Variants in RBFOX1 observed in about 807,000 individuals in gnomAD.
The protein encoded by RBFOX1 is RNA binding protein fox-1 homolog 1.
Under a neutral mutation model 57.7 loss-of-function variants are expected in RBFOX1, and 8 were observed. The ratio of observed to expected loss-of-function variants is 0.14; its 90% CI spans 0.08 to 0.25. RBFOX1 has a LOEUF of 0.25. RBFOX1 is among the 10% of genes least tolerant of loss of function. The pLI is 1.00. For synonymous variants in RBFOX1, 326 were observed against 222.4 expected, an observed-to-expected ratio of 1.47 and a Z score of -4.15; for missense variants, 611 against 548.5, an observed-to-expected ratio of 1.11 and a Z score of -1.14.
chr16:7,590,850 G>T (rs1318578281), intron 7 of RBFOX1, among the ~76,000 whole-genome samples: 3 of 119,092 alleles, frequency 2.5e-5, no homozygotes, highest in South Asian at 3.4e-4. Context: ...GAAGAGGGAA[G>T]TTCTGTCTCT....
intron 4 of RBFOX1, among the ~76,000 whole-genome samples, chr16:7,105,050 A>C (rs1181622906): frequency 1.3e-5 from 2 of 152,070 alleles, no homozygotes; most frequent in Non-Finnish European, 2.9e-5. Context: ...ACAGATCTCC[A>C]CTTACATTCT....
In RBFOX1 at chr16:7,539,597, A is replaced by G. The variant is rs564089860; in HGVS notation, c.270+21208A>G. Among the ~76,000 whole-genome samples the G allele has an allele frequency of 2.0e-5, 3 of 152,312 alleles. No homozygotes were observed. In the South Asian group the frequency reaches 6.2e-4, roughly 32 times the overall value. ...AACATGCTTAAATGGATGAGTTGTA[A>G]TCTTCTACATAGAGGTGATGCCACC... is the stretch of plus-strand genomic sequence containing the variant. On this transcript the variant is annotated intron_variant, in intron 5 of 15. Transcript: ENST00000550418.
intron 1 of RBFOX1, among the ~76,000 whole-genome samples, chr16:6,058,114 TAG>T (rs2095637175): frequency 6.6e-6 from 1 of 152,066 alleles, no homozygotes; most frequent in Admixed American, 6.6e-5. Context: ...TTATTTGAAG[TAG>T]AGTTTTTGAG....
chr16:6,699,780 C>T (rs918882823), intron 3 of RBFOX1, among the ~76,000 whole-genome samples: 1 of 152,092 alleles, frequency 6.6e-6, no homozygotes, highest in Non-Finnish European at 1.5e-5. Context: ...GGCATAAGGA[C>T]ATGAACACAT....
intron 4 of RBFOX1, among the ~76,000 whole-genome samples, chr16:7,371,795 C>T (rs1055586043): frequency 2.0e-5 from 3 of 152,112 alleles, no homozygotes; most frequent in African/African-American, 7.2e-5. Flanking sequence ...CATACATGTG[C>T]ATACAGATAT....
intron 2 of RBFOX1, among the ~76,000 whole-genome samples, chr16:6,596,369 T>C (rs1331508380): frequency 6.6e-6 from 1 of 152,210 alleles, no homozygotes; most frequent in Non-Finnish European, 1.5e-5. Context: ...GAAAATCCTA[T>C]TTTCTCACTG....
At chr16:5,888,784 C>A (rs1414106431) in intron 4 of RBFOX1, among the ~76,000 whole-genome samples, 2 of 100,616 alleles carry the variant, frequency 2.0e-5, no homozygotes, top group Admixed American at 2.9e-4. Context: ...GCGACAAGAG[C>A]GAAACTCAGT....
chr16:7,006,792 C>T (rs1216129331), intron 3 of RBFOX1, among the ~76,000 whole-genome samples: 1 of 152,160 alleles, frequency 6.6e-6, no homozygotes, highest in African/African-American at 2.4e-5. Flanking sequence ...GAAGAGAACA[C>T]TTAGCAAAGT....
At chr16:5,944,393 A>AG (rs1253752239) in intron 4 of RBFOX1, among the ~76,000 whole-genome samples, 35 of 152,286 alleles carry the variant, frequency 2.3e-4, no homozygotes, top group Admixed American at 2.2e-3. Context: ...TAGCAGTTAC[A>AG]TGAAGACGTG....
At chr16:7,116,165 C>T (rs2065861919) in intron 4 of RBFOX1, among the ~76,000 whole-genome samples, 1 of 152,162 alleles carries the variant, frequency 6.6e-6, no homozygotes, top group Admixed American at 6.5e-5. Flanking sequence ...TCATGCACTG[C>T]ATTTTTCTCC....
chr16:7,652,538 G>T (rs993395090), intron 11 of RBFOX1, among the ~76,000 whole-genome samples: 1 of 152,188 alleles, frequency 6.6e-6, no homozygotes, highest in Non-Finnish European at 1.5e-5. Flanking sequence ...CTCCCAAGTA[G>T]CGGGAATTAT....
intron 3 of RBFOX1, among the ~76,000 whole-genome samples, chr16:6,706,219 C>A (rs935533573): frequency 6.6e-6 from 1 of 152,174 alleles, no homozygotes; most frequent in African/African-American, 2.4e-5. Flanking sequence ...CTTAGGTTCA[C>A]AACAGCAGTG....
intron 4 of RBFOX1, among the ~76,000 whole-genome samples, chr16:7,329,943 T>C (rs1463433678): frequency 6.6e-6 from 1 of 152,222 alleles, no homozygotes; most frequent in South Asian, 2.1e-4. Flanking sequence ...CAGTCACGTG[T>C]CCCTTAACAT....
chr16:7,124,914 A>C (rs1180043690), intron 4 of RBFOX1, among the ~76,000 whole-genome samples: 1 of 152,214 alleles, frequency 6.6e-6, no homozygotes, highest in East Asian at 1.9e-4. Flanking sequence ...TTATGAGCTA[A>C]TTAAAATCTG....
At chr16:6,806,836 A>ATATT (rs754342591) in intron 3 of RBFOX1, among the ~76,000 whole-genome samples, 42 of 91,872 alleles carry the variant, frequency 4.6e-4, no homozygotes, top group East Asian at 4.1e-3. Flanking sequence ...ATATATATAT[A>ATATT]TTTTTTTTTT....
chr16:6,904,774 C>T (rs1350641103), intron 3 of RBFOX1, among the ~76,000 whole-genome samples: 2 of 152,028 alleles, frequency 1.3e-5, no homozygotes, highest in African/African-American at 2.4e-5. Flanking sequence ...TTCACCTGCC[C>T]GGGCTACTTG....
chr16:6,151,089 TG>T (rs1180406922), intron 1 of RBFOX1, among the ~76,000 whole-genome samples: 1 of 152,180 alleles, frequency 6.6e-6, no homozygotes, highest in Non-Finnish European at 1.5e-5. Context: ...GGCAGGACTA[TG>T]ACTATGGTTT....
rs2097575042 is a variant in RBFOX1 at position 7,371,990 on chromosome 16, A to T, written c.28-146157A>T. ...CCTTTTTTTTTCCATTATAAACATTACTGCTACACATGCATACACTGAGTT... is the reference window on the plus strand; with the variant it reads ...CCTTTTTTTTTCCATTATAAACATTTCTGCTACACATGCATACACTGAGTT... On this transcript the variant is annotated intron_variant, in intron 4 of 15. Transcript: ENST00000550418. Among the ~76,000 whole-genome samples the T allele has an allele frequency of 3.3e-5, 5 of 151,916 alleles. No homozygotes were observed. The South Asian group carries it at 1.0e-3, about 32-fold the overall frequency.
chr16:6,748,917 A>C (rs2074346673), intron 3 of RBFOX1: 1 of 152,180 alleles, frequency 6.6e-6, no homozygotes, highest in Non-Finnish European at 1.5e-5. Context: ...TTAGTGTTAC[A>C]GTTCTTTCAG....
Sources: gnomAD v4.1 joint callset for allele counts (sites outside exome capture counted in the v4.1 genomes callset) on GRCh38, gnomAD v4.1.1 for gene constraint, MANE v1.5 for transcripts, NCBI Gene and HGNC (gene_info 2026-07-23, HGNC 2026-07-21) for gene names.